Variants in SMAD9 observed in about 807,000 individuals in gnomAD.
SMAD9 encodes the protein SMAD family member 9, also known as MAD homolog 9.
SMAD9 carries 36 observed loss-of-function variants against 46.1 expected under a neutral mutation model. That is an observed-to-expected ratio of 0.78 (90% CI 0.60 to 1.03). The LOEUF is 1.03. Among genes scored for constraint, SMAD9 ranks in the 50% least tolerant of loss-of-function variants. SMAD9 has a pLI of 0.00. For missense variants in SMAD9, 572 were observed against 599.8 expected, an observed-to-expected ratio of 0.95 and a Z score of 0.48; for synonymous variants, 245 against 237.1, an observed-to-expected ratio of 1.03 and a Z score of -0.31.
intron 5 of SMAD9, among the ~76,000 whole-genome samples, chr13:36,856,261 T>TA (rs1016486748): frequency 2.0e-5 from 3 of 152,216 alleles, no homozygotes; most frequent in African/African-American, 7.2e-5. Flanking sequence ...GCTAAGGATT[T>TA]AGTCGGTATG....
intron 1 of SMAD9, among the ~76,000 whole-genome samples, chr13:36,895,760 T>G (rs2058522826): frequency 6.6e-6 from 1 of 152,210 alleles, no homozygotes; most frequent in Admixed American, 6.5e-5. Flanking sequence ...AGTGCTTTTT[T>G]TTTAAGTTGG....
chr13:36,905,239 C>A (rs1225757802), intron 1 of SMAD9, among the ~76,000 whole-genome samples: 3 of 152,170 alleles, frequency 2.0e-5, no homozygotes, highest in Non-Finnish European at 4.4e-5. Context: ...AAACCCTCAT[C>A]TAGACTTTAA....
intron 1 of SMAD9, among the ~76,000 whole-genome samples, chr13:36,898,094 G>A (rs1364920009): frequency 2.6e-5 from 4 of 151,734 alleles, no homozygotes; most frequent in African/African-American, 7.3e-5. Context: ...TCCTGACCTC[G>A]TGATCCGCCC....
At chr13:36,884,382 G>A (rs1252188330) in intron 1 of SMAD9, among the ~76,000 whole-genome samples, 1 of 152,098 alleles carries the variant, frequency 6.6e-6, no homozygotes, top group Non-Finnish European at 1.5e-5. Context: ...TTTGGGCAGA[G>A]AGAAAAAACA....
chr13:36,914,494 G>C (rs1027834673), intron 1 of SMAD9, among the ~76,000 whole-genome samples: 1 of 152,046 alleles, frequency 6.6e-6, no homozygotes, highest in African/African-American at 2.4e-5. Flanking sequence ...ACTCCAGCCT[G>C]GGCGACAGAG....
In SMAD9 at chr13:36,853,667, A is replaced by G. The variant is rs758100730; in HGVS notation, c.1012T>C (p.Leu338=). Residue 338 remains leucine (L), a synonymous_variant, in exon 6 of 7, where the codon TTG becomes CTG. Transcript: ENST00000379826. The part of the protein sequence containing the change: ...TRRHIGKGVH[L]YYVGGEVYAE... ...TACACCTCTCCCCCGACGTAGTACAAGTGCACACCTGCAGACACAAAAACA... is the reference window on the plus strand; with the variant it reads ...TACACCTCTCCCCCGACGTAGTACAGGTGCACACCTGCAGACACAAAAACA... The G allele has an allele frequency of 2.5e-6, 4 of 1,613,952 alleles. No individual in the cohort carries two copies. The highest frequency in any genetic ancestry group is 3.4e-6 in the Non-Finnish European group (4 of 1,180,022).
intron 3 of SMAD9, among the ~76,000 whole-genome samples, chr13:36,870,583 T>C (rs1337072183): frequency 6.6e-6 from 1 of 152,136 alleles, no homozygotes. Context: ...TGGCTCTCAA[T>C]AGCTACTGAC....
At chr13:36,876,805 C>G (rs1214919074) in intron 2 of SMAD9, among the ~76,000 whole-genome samples, 1 of 152,064 alleles carries the variant, frequency 6.6e-6, no homozygotes, top group Non-Finnish European at 1.5e-5. Context: ...AATAGGAACT[C>G]AGCAAACTTG....
chr13:36,864,505 C>A (rs1301739018), intron 5 of SMAD9, among the ~76,000 whole-genome samples: 1 of 152,180 alleles, frequency 6.6e-6, no homozygotes, highest in Non-Finnish European at 1.5e-5. Flanking sequence ...TTCTTCTCCC[C>A]TCCCCTCGAC....
intron 5 of SMAD9, among the ~76,000 whole-genome samples, chr13:36,862,809 C>T (rs1031132340): frequency 3.9e-5 from 6 of 152,176 alleles, no homozygotes; most frequent in Admixed American, 6.5e-5. Flanking sequence ...TCTCAAATGT[C>T]ACTTTTCCAG....
upstream of SMAD9, chr13:36,920,599 G>A (rs2058738445): frequency 6.6e-6 from 1 of 152,168 alleles, no homozygotes; most frequent in Non-Finnish European, 1.5e-5. Flanking sequence ...CCCTTTGTCT[G>A]CGTGGGTCGC....
chr13:36,907,234 G>C (rs1387721110), intron 1 of SMAD9, among the ~76,000 whole-genome samples: 1 of 152,214 alleles, frequency 6.6e-6, no homozygotes, highest in South Asian at 2.1e-4. Flanking sequence ...CAGGTGCTAA[G>C]AGAAGGGGAA....
At position 36,858,626 on chromosome 13, in the gene SMAD9, G is replaced by C. The variant is rs1263295314; in HGVS notation, c.1004-4951C>G. Among the ~76,000 whole-genome samples the C allele has an allele frequency of 2.6e-5, 4 of 152,058 alleles. No homozygotes were observed. The East Asian group carries it at 7.7e-4, about 29-fold the overall frequency. ...ACTGTGAGGTGTCTCCCTTACCACT[G>C]CTGCTGCCTTCCAGAGCACCCTTAC... On this transcript the variant is annotated intron_variant, in intron 5 of 6. Transcript: ENST00000379826.
intron 6 of SMAD9, 139 bp from the exon 7 acceptor site, chr13:36,848,958 ACC>A: frequency 1.4e-6 from 1 of 715,940 alleles, no homozygotes. Flanking sequence ...CATGGCCTCT[ACC>A]TTCCTGTAAA....
chr13:36,903,435 A>G (rs1238078292), intron 1 of SMAD9, among the ~76,000 whole-genome samples: 1 of 152,170 alleles, frequency 6.6e-6, no homozygotes, highest in Non-Finnish European at 1.5e-5. Flanking sequence ...TGGAGGGGCC[A>G]TTTCCAGGCT....
chr13:36,911,879 T>G (rs59196026), intron 1 of SMAD9, among the ~76,000 whole-genome samples: 4,154 of 152,192 alleles, frequency 0.027, 177 homozygotes, highest in African/African-American at 0.095. Context: ...CAGCTAATTT[T>G]GTATTTTTAG....
intron 1 of SMAD9, among the ~76,000 whole-genome samples, chr13:36,906,884 G>A (rs1387883762): frequency 6.6e-6 from 1 of 152,166 alleles, no homozygotes; most frequent in East Asian, 1.9e-4. Context: ...GAATTACCAT[G>A]TGAGCCAGTA....
At chr13:36,917,416 T>C (rs1459018772) in intron 1 of SMAD9, among the ~76,000 whole-genome samples, 1 of 152,042 alleles carries the variant, frequency 6.6e-6, no homozygotes, top group East Asian at 1.9e-4. Context: ...TTTTTTGCTT[T>C]AGAATAACTT....
intron 1 of SMAD9, among the ~76,000 whole-genome samples, chr13:36,883,711 A>T (rs1016638982): frequency 2.6e-5 from 4 of 152,248 alleles, no homozygotes; most frequent in Non-Finnish European, 5.9e-5. Context: ...TGATTGTGCC[A>T]CTGCACTCCA....
Sources: allele counts gnomAD v4.1 joint callset (sites outside exome capture counted in the v4.1 genomes callset), GRCh38; gene constraint gnomAD v4.1.1; transcripts MANE v1.5; gene names NCBI Gene and HGNC (gene_info 2026-07-23, HGNC 2026-07-21).